Variants in PTPRK observed in about 807,000 individuals in gnomAD.
PTPRK encodes the protein receptor-type tyrosine-protein phosphatase kappa.
In PTPRK, 75 loss-of-function variants were observed where a neutral mutation model predicts 178.0. That is an observed-to-expected ratio of 0.42 (90% confidence interval 0.35 to 0.51). PTPRK has a LOEUF of 0.51. Among genes scored for constraint, PTPRK ranks in the 20% least tolerant of loss-of-function variants. PTPRK has a pLI of 0.02. For missense variants in PTPRK, 1,441 were observed against 1,797.8 expected (o/e 0.80, Z 3.59); for synonymous variants, 637 against 620.6 (o/e 1.03, Z -0.39).
At chr6:128,194,527 G>A (rs1487559152) in intron 6 of PTPRK, among the ~76,000 whole-genome samples, 1 of 152,106 alleles carries the variant, frequency 6.6e-6, no homozygotes, top group Admixed American at 6.5e-5. Flanking sequence ...TTTTCTCATG[G>A]TCATTTAATA....
intron 7 of PTPRK, among the ~76,000 whole-genome samples, chr6:128,126,189 G>T (rs2114430513): frequency 6.6e-6 from 1 of 152,084 alleles, no homozygotes; most frequent in South Asian, 2.1e-4. Context: ...CATGCATTAG[G>T]TATTTGTCCT....
chr6:128,321,883 T>C (rs1034008885), intron 3 of PTPRK, 156 bp downstream of exon 3: 2 of 909,894 alleles, frequency 2.2e-6, no homozygotes, highest in Non-Finnish European at 3.5e-6. Flanking sequence ...GGGATGCATA[T>C]GTATATCTAT....
At chr6:128,007,983 G>A in intron 14 of PTPRK, 3 of 1,109,384 alleles carry the variant, frequency 2.7e-6, no homozygotes, top group Non-Finnish European at 3.8e-6. Context: ...AACAGCAAGA[G>A]AAAGCACTAT....
chr6:128,516,143 G>GTA (rs1162788304), intron 1 of PTPRK, among the ~76,000 whole-genome samples: 4 of 152,140 alleles, frequency 2.6e-5, no homozygotes, highest in African/African-American at 9.7e-5. Flanking sequence ...GTGATCTTGT[G>GTA]TATATATATG....
chr6:128,298,530 T>C (rs1264977514), intron 3 of PTPRK, among the ~76,000 whole-genome samples: 1 of 152,046 alleles, frequency 6.6e-6, no homozygotes, highest in Non-Finnish European at 1.5e-5. Context: ...TATGATCAAG[T>C]GGGCTTCATC....
At chr6:128,044,173 G>A (rs145763824) in intron 13 of PTPRK, among the ~76,000 whole-genome samples, 18 of 152,056 alleles carry the variant, frequency 1.2e-4, no homozygotes, top group Middle Eastern at 3.4e-3. Flanking sequence ...TTTGCACAAT[G>A]TCACAAAACC....
rs9321112 is a variant in PTPRK at position 128,105,817 on chromosome 6, C to T, written c.1163-15825G>A. Among the ~76,000 whole-genome samples, 278 of 152,272 alleles carry T rather than the reference C, an allele frequency of 1.8e-3. 2 individuals carry two copies. The highest frequency in any genetic ancestry group is 5.9e-3 in the African/African-American group (247 of 41,564). On this transcript the variant is annotated intron_variant, in intron 7 of 29. Transcript: ENST00000368226. Reference sequence around the variant, plus strand: ...CTAAGGAGTTAGTTTTTACAGCCTGCGTCATTACCATTTACCTTGAGTTTA... The same window carrying T: ...CTAAGGAGTTAGTTTTTACAGCCTGTGTCATTACCATTTACCTTGAGTTTA...
intron 2 of PTPRK, among the ~76,000 whole-genome samples, chr6:128,359,467 CA>C (rs963839118): frequency 6.7e-6 from 1 of 149,606 alleles, no homozygotes; most frequent in African/African-American, 2.5e-5. Flanking sequence ...TAAAAAGGTC[CA>C]GGGACAGACG....
rs906004802 is a variant in PTPRK at position 128,239,456 on chromosome 6, A to T, written c.693+579T>A. On this transcript the variant is annotated intron_variant, in intron 5 of 29. Transcript: ENST00000368226. The stretch of plus-strand genomic sequence containing the variant: ...ATCTCAGATTCTTTTAAATCTGTTT[A>T]TATGCACCATTTACAGTTCCCCAAC... Among the ~76,000 whole-genome samples, 3 of 152,166 alleles carry T rather than the reference A, an allele frequency of 2.0e-5. No individual in the cohort carries two copies. The South Asian group carries it at 6.2e-4, about 32-fold the overall frequency.
intron 1 of PTPRK, among the ~76,000 whole-genome samples, chr6:128,457,764 A>G (rs1384141137): frequency 6.6e-6 from 1 of 152,294 alleles, no homozygotes; most frequent in East Asian, 1.9e-4. Context: ...AAATAGGTCT[A>G]GAGATTATAT....
chr6:128,487,197 G>A (rs1168512862), intron 1 of PTPRK, among the ~76,000 whole-genome samples: 1 of 145,848 alleles, frequency 6.9e-6, no homozygotes, highest in African/African-American at 2.5e-5. Context: ...CCTGTGAGAG[G>A]ATGGCTTTCT....
At chr6:128,401,114 C>T (rs970407142) in intron 1 of PTPRK, among the ~76,000 whole-genome samples, 3 of 152,124 alleles carry the variant, frequency 2.0e-5, no homozygotes, top group African/African-American at 2.4e-5. Flanking sequence ...AATTCCTCTA[C>T]GCCAATCAAT....
intron 2 of PTPRK, among the ~76,000 whole-genome samples, chr6:128,349,823 G>T (rs1001874929): frequency 6.6e-6 from 1 of 152,010 alleles, no homozygotes. Flanking sequence ...TTTGGGCAAG[G>T]TTGCCAACTG....
chr6:128,300,267 C>G (rs142706499), intron 3 of PTPRK, among the ~76,000 whole-genome samples: 4 of 152,154 alleles, frequency 2.6e-5, no homozygotes, highest in East Asian at 1.9e-4. Flanking sequence ...CTTTTACACT[C>G]TTGGTGGGAC....
chr6:128,197,624 G>A (rs1197899001), intron 6 of PTPRK, among the ~76,000 whole-genome samples: 1 of 151,942 alleles, frequency 6.6e-6, no homozygotes, highest in Non-Finnish European at 1.5e-5. Context: ...AGGAAAAAGA[G>A]ATCAATGGTT....
At chr6:128,423,397 T>A (rs892083067) in intron 1 of PTPRK, among the ~76,000 whole-genome samples, 1 of 152,162 alleles carries the variant, frequency 6.6e-6, no homozygotes, top group African/African-American at 2.4e-5. Context: ...TTTGGGGAGT[T>A]TTGTTTTAGG....
chr6:128,366,812 G>C (rs1835562239), intron 2 of PTPRK, among the ~76,000 whole-genome samples: 1 of 152,134 alleles, frequency 6.6e-6, no homozygotes, highest in Non-Finnish European at 1.5e-5. Context: ...AAATCATGGT[G>C]ACAGTTTGCC....
At chr6:128,068,434 A>G (rs1272961291) in intron 11 of PTPRK, among the ~76,000 whole-genome samples, 1 of 152,220 alleles carries the variant, frequency 6.6e-6, no homozygotes, top group African/African-American at 2.4e-5. Flanking sequence ...TGGAGTTGTT[A>G]ATAATAAAAT....
rs1308578241 is a variant in PTPRK at position 128,435,102 on chromosome 6, A to AAGGC, written c.101-37415_101-37414insGCCT. Among the ~76,000 whole-genome samples, 232 of 70,278 alleles carry AAGGC rather than the reference A, an allele frequency of 3.3e-3. 3 individuals carry two copies. In the Middle Eastern group the frequency reaches 0.037, roughly 11 times the overall value. 46.1% of individuals were successfully genotyped at this position (70,278 alleles called of 152,430 possible). On this transcript the variant is annotated intron_variant, in intron 1 of 29. Coordinates refer to ENST00000368226, the MANE Select transcript of PTPRK (RefSeq NM_002844.4). ...GAAGGAAGGAAGGAAGGAAGGAAGG[A>AAGGC]AGGAAGGCAGGAAGGCAGGCAGGAA...
Sources: allele counts gnomAD v4.1 joint callset (sites outside exome capture counted in the v4.1 genomes callset), GRCh38; gene constraint gnomAD v4.1.1; transcripts MANE v1.5; gene names NCBI Gene and HGNC (gene_info 2026-07-23, HGNC 2026-07-21).